Variants in CACNA2D1 observed in about 807,000 individuals in gnomAD.
CACNA2D1 encodes the protein calcium voltage-gated channel auxiliary subunit alpha2delta 1.
Under a neutral mutation model 171.5 loss-of-function variants are expected in CACNA2D1, and 53 were observed. That is an observed-to-expected ratio of 0.31 (90% CI 0.25 to 0.39). CACNA2D1 has a LOEUF of 0.39. CACNA2D1 is among the 10% of genes least tolerant of loss of function. The pLI is 1.00. For synonymous variants in CACNA2D1, 442 were observed against 443.1 expected, an observed-to-expected ratio of 1.00 and a Z score of 0.03; for missense variants, 903 against 1,299.8, an observed-to-expected ratio of 0.69 and a Z score of 4.69.
intron 10 of CACNA2D1, among the ~76,000 whole-genome samples, chr7:82,040,553 A>G (rs957854152): frequency 6.6e-6 from 1 of 151,952 alleles, no homozygotes; most frequent in Admixed American, 6.6e-5. Context: ...GCAGTCCCTG[A>G]GAAAACTAAG....
At chr7:82,297,096 A>AAAAAAAAAAT (rs1377126136) in intron 3 of CACNA2D1, among the ~76,000 whole-genome samples, 6 of 133,136 alleles carry the variant, frequency 4.5e-5, no homozygotes, top group African/African-American at 1.8e-4. Context: ...AAAAAAAAAA[A>AAAAAAAAAAT]ATTAGCCAGG....
rs1174278503 is a variant in CACNA2D1 at position 82,137,707 on chromosome 7, T to TAAAAAAAAAAAAAAAAAAAAAAAA, written c.355-1032_355-1031insTTTTTTTTTTTTTTTTTTTTTTTT. ...TAATACAGTGAAACTCCGTCTCTAC[T>TAAAAAAAAAAAAAAAAAAAAAAAA]AAAAAAAAAAAAAAAAAAAAAAATT... On this transcript the variant is annotated intron_variant, in intron 4 of 38. Coordinates refer to ENST00000356860, the MANE Select transcript of CACNA2D1 (RefSeq NM_000722.4). 1.5e-4 allele frequency among the ~76,000 whole-genome samples: 12 copies of TAAAAAAAAAAAAAAAAAAAAAAAA among 78,824 alleles called. 1 individual carries two copies. Among genetic ancestry groups the TAAAAAAAAAAAAAAAAAAAAAAAA allele is most frequent in the East Asian group, 4.0e-4 (1 of 2,472 alleles). 51.7% of individuals were successfully genotyped at this position (78,824 alleles called of 152,430 possible).
intron 22 of CACNA2D1, among the ~76,000 whole-genome samples, 186 bp downstream of exon 22, chr7:81,984,449 C>G (rs914128419): frequency 2.6e-5 from 4 of 152,128 alleles, no homozygotes; most frequent in African/African-American, 9.7e-5. Context: ...TGCTCATATT[C>G]TATCCATGTA....
At chr7:82,166,596 A>T (rs1264143445) in intron 4 of CACNA2D1, among the ~76,000 whole-genome samples, 1 of 152,094 alleles carries the variant, frequency 6.6e-6, no homozygotes, top group African/African-American at 2.4e-5. Context: ...TGGTAGAAAT[A>T]GCAATTATTT....
intron 29 of CACNA2D1, among the ~76,000 whole-genome samples, chr7:81,968,499 A>G (rs1794939658): frequency 6.6e-6 from 1 of 151,420 alleles, no homozygotes. Flanking sequence ...TCAGGGCTGG[A>G]AACTTAACTT....
At position 82,146,310 on chromosome 7, in the gene CACNA2D1, ACGTGTGTGTGTGTGTG is replaced by A. The variant is rs1288789642; in HGVS notation, c.355-9650_355-9635del. On this transcript the variant is annotated intron_variant, in intron 4 of 38. Transcript: ENST00000356860. ...GCTCATTTCTTCTACATATATATATACGTGTGTGTGTGTGTGCGTGTGTGTGTGTGTAGAAGAAATG... is the reference window on the plus strand; with the variant it reads ...GCTCATTTCTTCTACATATATATATACGTGTGTGTGTGTGTAGAAGAAATG... Among the ~76,000 whole-genome samples, 244 of 134,874 alleles carry A rather than the reference ACGTGTGTGTGTGTGTG, an allele frequency of 1.8e-3. 1 individual carries two copies. The highest frequency in any genetic ancestry group is 5.8e-3 in the African/African-American group (229 of 39,326). The allele number at this position is 134,874 out of a possible 152,430, so 88.5% of individuals were successfully genotyped here.
intron 3 of CACNA2D1, among the ~76,000 whole-genome samples, chr7:82,309,907 T>C (rs73164279): frequency 0.14 from 21,437 of 152,206 alleles, 1,861 homozygotes; most frequent in African/African-American, 0.24. Context: ...ACCTGTGTCA[T>C]AGTTGCAAAA....
intron 10 of CACNA2D1, among the ~76,000 whole-genome samples, chr7:82,041,161 G>T (rs1006406444): frequency 2.0e-5 from 3 of 152,046 alleles, no homozygotes; most frequent in Non-Finnish European, 2.9e-5. Flanking sequence ...GGCATCTGTA[G>T]GGTAGACTGG....
chr7:82,063,482 T>A (rs1189026006), intron 9 of CACNA2D1, among the ~76,000 whole-genome samples: 2 of 152,126 alleles, frequency 1.3e-5, no homozygotes. Context: ...TGGGGAAAAT[T>A]CAAATGTTAA....
At chr7:82,349,700 G>C in intron 1 of CACNA2D1, 51 bp from the exon 2 acceptor site, 1 of 1,335,636 alleles carries the variant, frequency 7.5e-7, no homozygotes, top group Non-Finnish European at 1.1e-6. Flanking sequence ...GCAAATAAAA[G>C]TCACATGCTG....
At chr7:82,244,640 C>G (rs983482938) in intron 3 of CACNA2D1, among the ~76,000 whole-genome samples, 1 of 151,722 alleles carries the variant, frequency 6.6e-6, no homozygotes, top group African/African-American at 2.4e-5. Context: ...GGAAAAAAAG[C>G]AAGCAAAAAA....
intron 6 of CACNA2D1, among the ~76,000 whole-genome samples, chr7:82,090,507 T>C (rs1029848927): frequency 1.3e-5 from 2 of 152,056 alleles, no homozygotes; most frequent in African/African-American, 4.8e-5. Context: ...CAGCCTTGCA[T>C]TGAGATAAAA....
At chr7:82,284,200 G>GA (rs1810483368) in intron 3 of CACNA2D1, among the ~76,000 whole-genome samples, 6 of 142,738 alleles carry the variant, frequency 4.2e-5, no homozygotes, top group Admixed American at 4.2e-4. Flanking sequence ...AAAAAAAAAA[G>GA]AAAAAAAAGA....
chr7:82,168,501 T>C (rs1211881811), intron 4 of CACNA2D1, among the ~76,000 whole-genome samples: 1 of 152,088 alleles, frequency 6.6e-6, no homozygotes, highest in Non-Finnish European at 1.5e-5. Context: ...GCCTTACAAT[T>C]GATGATTTAC....
intron 17 of CACNA2D1, 79 bp downstream of exon 17, chr7:82,005,685 GA>G: frequency 9.6e-7 from 1 of 1,044,684 alleles, no homozygotes; most frequent in Non-Finnish European, 1.5e-6. Context: ...CATAATTTTT[GA>G]GAATTACCTA....
intron 3 of CACNA2D1, among the ~76,000 whole-genome samples, chr7:82,204,383 C>T (rs1799801994): frequency 2.6e-5 from 4 of 152,144 alleles, no homozygotes; most frequent in African/African-American, 9.7e-5. Flanking sequence ...TGTGGCAAGA[C>T]CTAGGGGAGG....
At chr7:81,994,989 C>T in intron 19 of CACNA2D1, 50 bp from the exon 20 acceptor site, 1 of 882,092 alleles carries the variant, frequency 1.1e-6, no homozygotes, top group Non-Finnish European at 1.9e-6. Context: ...AGCTGACCTG[C>T]CAAAATATGA....
chr7:82,302,645 G>A (rs77279606), intron 3 of CACNA2D1, among the ~76,000 whole-genome samples: 5,974 of 152,028 alleles, frequency 0.039, 165 homozygotes, highest in Middle Eastern at 0.082. Context: ...ACTCCCGACC[G>A]ACCTCATGTG....
chr7:82,339,072 G>A (rs1193159200), intron 2 of CACNA2D1, among the ~76,000 whole-genome samples: 1 of 152,140 alleles, frequency 6.6e-6, no homozygotes, highest in East Asian at 1.9e-4. Flanking sequence ...CAGATACCTT[G>A]TCATATAAGT....
Sources: gnomAD v4.1 joint callset for allele counts (sites outside exome capture counted in the v4.1 genomes callset) on GRCh38, gnomAD v4.1.1 for gene constraint, MANE v1.5 for transcripts, NCBI Gene and HGNC (gene_info 2026-07-23, HGNC 2026-07-21) for gene names.